The following ABCA12 variants were observed in gnomAD, a reference collection of about 807,000 sequenced individuals.
ABCA12 encodes ATP binding cassette subfamily A member 12.
In ABCA12, 156 loss-of-function variants were observed where a neutral mutation model predicts 293.5. The observed-to-expected ratio is 0.53, with a 90% CI of 0.47 to 0.61. The LOEUF (loss-of-function observed/expected upper bound fraction) is 0.61. Ranked by LOEUF, ABCA12 falls within the 20% of genes least tolerant of loss-of-function variation. The pLI is 0.00. For missense variants in ABCA12, 2,797 were observed against 3,090.2 expected (o/e 0.91, Z 2.25); for synonymous variants, 1,063 against 1,108.0 (o/e 0.96, Z 0.81).
intron 26 of ABCA12, 29 bp downstream of exon 26, chr2:214,989,300 G>C (rs377320465): frequency 1.2e-6 from 2 of 1,607,726 alleles, no homozygotes; most frequent in Non-Finnish European, 1.7e-6. Context: ...ACCATAAAAA[G>C]CATGTATCTG....
Position 214,987,682 on chromosome 2 carries a change from G to A in ABCA12, c.3941C>T (p.Thr1314Ile). 6.2e-7 allele frequency: 1 copy of A among 1,614,022 alleles called. No homozygotes were observed. The highest frequency in any genetic ancestry group is 8.5e-7 in the Non-Finnish European group (1 of 1,179,970). ...GTTGGTGTTCTGCATCATGATGTTA[G>A]TAAACATGAGGCCATTGCTCTTCTC... ...KPEKSNGLMF[T>I]NIMMQNTNPS... Residue 1314 changes from threonine (T) to isoleucine (I), a missense_variant, in exon 27 of 53, where the codon ACT becomes ATT. Physicochemically the swap from Thr to Ile is moderately conservative, Grantham distance 89 (BLOSUM62 -1). This residue lies in a region of ABCA12 where 2,130 missense variants were observed against 2,427.0 expected (regional missense o/e 0.88). Transcript: ENST00000272895.
intron 49 of ABCA12, among the ~76,000 whole-genome samples, chr2:214,943,312 T>C (rs891893648): frequency 2.6e-5 from 4 of 151,266 alleles, no homozygotes; most frequent in Admixed American, 2.6e-4. Flanking sequence ...TATTTTAATT[T>C]TAATTTTTTT....
At chr2:214,948,996 T>TC in intron 46 of ABCA12, 44 bp downstream of exon 46, 1 of 1,481,178 alleles carries the variant, frequency 6.8e-7, no homozygotes, top group East Asian at 2.3e-5. Context: ...TTTTCTCATT[T>TC]AAGTATGTTG....
chr2:214,966,540 G>A (rs1224964657), intron 39 of ABCA12, among the ~76,000 whole-genome samples: 1 of 152,172 alleles, frequency 6.6e-6, no homozygotes, highest in African/African-American at 2.4e-5. Flanking sequence ...TTAGCCTATA[G>A]ACAAGCACGT....
At chr2:215,012,186 T>A (rs1700393402) in intron 15 of ABCA12, 51 bp from the exon 16 acceptor site, 1 of 1,555,630 alleles carries the variant, frequency 6.4e-7, no homozygotes, top group East Asian at 2.2e-5. Context: ...AATTGAATCC[T>A]CATGCATTGT....
chr2:215,018,682 T>C (rs77946181), intron 13 of ABCA12, among the ~76,000 whole-genome samples: 6,273 of 152,326 alleles, frequency 0.041, 432 homozygotes, highest in African/African-American at 0.14. Context: ...ATTATAATTC[T>C]TTTATTTCTG....
In ABCA12 at chr2:214,941,063, G is replaced by T. The variant is rs145443509; in HGVS notation, c.7436+1862C>A. 1.0e-2 allele frequency among the ~76,000 whole-genome samples: 1,517 copies of T among 152,030 alleles called. 26 individuals carry two copies. Among genetic ancestry groups the T allele is most frequent in the African/African-American group, 0.034 (1,394 of 41,482 alleles). On this transcript the variant is annotated intron_variant, in intron 50 of 52. Coordinates refer to ENST00000272895, the MANE Select transcript of ABCA12 (RefSeq NM_173076.3). The stretch of plus-strand genomic sequence containing the variant: ...GTTTTAATTGAGATGTTAGGGTGTT[G>T]ATTTTAGATCTTTCCCATTTTCTCC...
At chr2:215,098,172 G>T (rs981484850) in intron 2 of ABCA12, among the ~76,000 whole-genome samples, 1 of 152,116 alleles carries the variant, frequency 6.6e-6, no homozygotes, top group Non-Finnish European at 1.5e-5. Context: ...GTTTCTCTTT[G>T]CGGTTTAAAT....
chr2:215,066,116 G>A (rs537703400), intron 2 of ABCA12, among the ~76,000 whole-genome samples: 4 of 152,162 alleles, frequency 2.6e-5, no homozygotes, highest in African/African-American at 7.2e-5. Flanking sequence ...TCATCCCTCC[G>A]AAACAAAATT....
intron 2 of ABCA12, among the ~76,000 whole-genome samples, chr2:215,094,967 C>A (rs562849806): frequency 3.3e-5 from 5 of 152,248 alleles, no homozygotes; most frequent in Admixed American, 2.0e-4. Context: ...ATGTGTCTAC[C>A]TATCAATGGG....
intron 39 of ABCA12, among the ~76,000 whole-genome samples, chr2:214,959,904 C>T (rs1559115605): frequency 1.3e-5 from 2 of 152,064 alleles, no homozygotes; most frequent in Admixed American, 6.6e-5. Flanking sequence ...ACTGTCTGAG[C>T]GACTGTGGAA....
Position 214,953,984 on chromosome 2 carries a change from C to T in ABCA12, c.6517G>A (p.Gly2173Arg), listed in dbSNP as rs1698862172. 1.9e-6 allele frequency: 3 copies of T among 1,613,948 alleles called. No individual in the cohort carries two copies. The highest frequency in any genetic ancestry group is 2.5e-6 in the Non-Finnish European group (3 of 1,179,988). The part of the protein sequence containing the change: ...QSVLDFLKAY[G>R]VEYPNETFEM... ...AAGGTTTCATTTGGGTATTCCACTC[C>T]ATATGCTTTTAAGAAGTCTAGGACC... Residue 2173 changes from glycine to arginine, a missense_variant, in exon 44 of 53, where the codon GGA (glycine) becomes AGA (arginine). Gly to Arg is a moderately radical substitution (Grantham distance 125). Around this residue, in one of 3 missense-constraint regions of ABCA12, gnomAD observed 2,130 missense variants for 2,427.0 expected, o/e 0.88. Transcript: ENST00000272895.
chr2:215,069,725 G>C (rs994701933), intron 2 of ABCA12, among the ~76,000 whole-genome samples: 1 of 152,122 alleles, frequency 6.6e-6, no homozygotes, highest in East Asian at 1.9e-4. Context: ...AGTTCTTCCT[G>C]ATTCCAGTCC....
At chr2:215,018,546 T>A (rs1700555352) in intron 13 of ABCA12, among the ~76,000 whole-genome samples, 1 of 152,202 alleles carries the variant, frequency 6.6e-6, no homozygotes, top group South Asian at 2.1e-4. Flanking sequence ...GTTTGATAAA[T>A]CCACACATAA....
chr2:215,015,576 G>A lies in ABCA12; in HGVS notation c.1870C>T (p.Leu624=). 1.2e-6 allele frequency: 2 copies of A among 1,613,954 alleles called. No individual in the cohort carries two copies. The highest frequency in any genetic ancestry group is 1.7e-6 in the Non-Finnish European group (2 of 1,179,834). Reference sequence around the variant, plus strand: ...TGCCGGGATCTCTCTGAAAGAGACAGGTTGCAGAATTCTTTCATTGCATCT... The same window carrying A: ...TGCCGGGATCTCTCTGAAAGAGACAAGTTGCAGAATTCTTTCATTGCATCT... ...LEDAMKEFCN[L]SLSERSRQSY... is the part of the protein sequence containing the mutation. Residue 624 remains leucine, a synonymous_variant, in exon 15 of 53, where the codon CTG becomes TTG. Coordinates refer to ENST00000272895, the MANE Select transcript of ABCA12 (RefSeq NM_173076.3).
At position 214,974,786 on chromosome 2, in the gene ABCA12, G is replaced by A. The variant is rs757686350; in HGVS notation, c.5460C>T (p.Thr1820=). 2.0e-5 allele frequency: 32 copies of A among 1,613,778 alleles called. No homozygotes were observed. The highest frequency in any genetic ancestry group is 1.1e-4 in the South Asian group (10 of 91,078). The change falls in exon 35 of 53, where the codon ACC becomes ACT. Residue 1820 remains threonine (T), a synonymous_variant. Coordinates refer to ENST00000272895, the MANE Select transcript of ABCA12 (RefSeq NM_173076.3). The part of the protein sequence containing the change: ...FPGIDNMCLN[T]SDLQCLNKDS... ...GAGCAAGAACCACTTACAGATCACT[G>A]GTGTTCAGACACATGTTGTCAATTC...
At chr2:214,991,165 T>A in intron 23 of ABCA12, 134 bp from the exon 24 acceptor site, 1 of 829,314 alleles carries the variant, frequency 1.2e-6, no homozygotes. Context: ...TTTACATAAA[T>A]CAAGAATTTA....
At chr2:215,104,996 G>T (rs888776177) in intron 2 of ABCA12, among the ~76,000 whole-genome samples, 3 of 151,974 alleles carry the variant, frequency 2.0e-5, no homozygotes, top group Non-Finnish European at 4.4e-5. Context: ...CTCACATTGA[G>T]TTTTTTTTAC....
At position 214,932,744 on chromosome 2, in the gene ABCA12, G is replaced by C. The variant is rs1331367427; in HGVS notation, c.7681-3C>G. Reference sequence around the variant, plus strand: ...TCTTTGGCAAAGTTGATGAAAACCTGATTTTTCAGGGAAAATAAAGCCATT... The same window carrying C: ...TCTTTGGCAAAGTTGATGAAAACCTCATTTTTCAGGGAAAATAAAGCCATT... On this transcript the variant is annotated splice_polypyrimidine_tract_variant and splice_region_variant and intron_variant, in intron 52 of 52. Coordinates refer to ENST00000272895, the MANE Select transcript of ABCA12 (RefSeq NM_173076.3). The C allele has an allele frequency of 6.2e-7, 1 of 1,609,028 alleles. No individual in the cohort carries two copies.
Sources: allele counts gnomAD v4.1 joint callset (sites outside exome capture counted in the v4.1 genomes callset), GRCh38; gene constraint gnomAD v4.1.1; regional missense constraint gnomAD v4.1.1; transcripts MANE v1.5; gene names NCBI Gene and HGNC (gene_info 2026-07-23, HGNC 2026-07-21).